The following SPEN variants were observed in gnomAD, a reference collection of about 807,000 sequenced individuals.
SPEN encodes msx2-interacting protein.
A neutral mutation model predicts 269.9 loss-of-function variants in SPEN; 18 were observed. The observed-to-expected ratio is 0.07, with a 90% CI of 0.05 to 0.10. The LOEUF (loss-of-function observed/expected upper bound fraction) is 0.10. SPEN is among the 10% of genes least tolerant of loss of function. The pLI, the probability that SPEN is intolerant of heterozygous loss-of-function variation, is 1.00. For synonymous variants in SPEN, 1,726 were observed against 1,765.7 expected, an observed-to-expected ratio of 0.98 and a Z score of 0.56; for missense variants, 3,822 against 4,631.2, an observed-to-expected ratio of 0.83 and a Z score of 5.07.
In SPEN at chr1:15,932,208, G is replaced by A. The variant is rs1369614139; in HGVS notation, c.5968G>A (p.Ala1990Thr). 3 of 1,612,838 alleles carry A rather than the reference G, an allele frequency of 1.9e-6. No homozygotes were observed. The highest frequency in any genetic ancestry group is 2.5e-6 in the Non-Finnish European group (3 of 1,179,642). ...GCGGTCGCCAAGGTCCCAGAAAACT[G>A]CAGCTGGTGGTGGACCCCAAGGGAA... ...GWRSPRSQKTAAGGGPQGKKG... is the reference protein window; with the variant it reads ...GWRSPRSQKTTAGGGPQGKKG... Residue 1990 changes from alanine (A) to threonine (T), a missense_variant, in exon 11 of 15, where the codon GCA (alanine) becomes ACA (threonine). Transcript: ENST00000375759. This position sits in a 1 kb window ranked among gnomAD's most constrained non-coding sequence, Gnocchi z 4.2.
chr1:15,919,404 C>T lies in SPEN; in HGVS notation c.1522C>T (p.Leu508=). Residue 508 remains leucine (L), a splice_region_variant and synonymous_variant, in exon 8 of 15, where the codon CTG becomes TTG. Transcript: ENST00000375759. The part of the protein sequence containing the change: ...GEYLGNNRLK[L]GFGKSMPTNC... ...TAGAAATTTTGCCTTTTATATTCAG[C>T]TGGGTTTTGGAAAGAGCATGCCTAC... 1.9e-6 allele frequency: 3 copies of T among 1,583,772 alleles called. No individual in the cohort carries two copies. The highest frequency in any genetic ancestry group is 2.6e-6 in the Non-Finnish European group (3 of 1,170,826).
At chr1:15,906,211 ATTTAC>A (rs2148726559) in intron 3 of SPEN, among the ~76,000 whole-genome samples, 1 of 152,262 alleles carries the variant, frequency 6.6e-6, no homozygotes, top group South Asian at 2.1e-4. Context: ...TCAGGATAGT[ATTTAC>A]TTAATACTTG....
At chr1:15,911,707 T>C (rs2071013437) in intron 5 of SPEN, among the ~76,000 whole-genome samples, 1 of 152,244 alleles carries the variant, frequency 6.6e-6, no homozygotes, top group Admixed American at 6.5e-5. Context: ...ATGCCTGTAA[T>C]CCCAGCACTT....
chr1:15,919,561 T>G, intron 8 of SPEN, 44 bp downstream of exon 8: 1 of 1,223,364 alleles, frequency 8.2e-7, no homozygotes, highest in Non-Finnish European at 1.2e-6. Context: ...TCTGACTCAC[T>G]CGTCTTGGTA....
At position 15,939,575 on chromosome 1, in the gene SPEN, C is replaced by T. The variant is rs565753478; in HGVS notation, c.*148C>T. ...CCGTTTGCTGTCCTGCCGCCCGGCT[C>T]AGTCGGCCAGACTTCCTCTAGGAGT... is the stretch of plus-strand genomic sequence containing the variant. On this transcript the variant is annotated 3_prime_UTR_variant, in exon 15 of 15. Coordinates refer to ENST00000375759, the MANE Select transcript of SPEN (RefSeq NM_015001.3). The surrounding 1 kb of genome is among the most constrained non-coding windows in gnomAD (Gnocchi z 4.1). The T allele has an allele frequency of 4.1e-6, 4 of 970,910 alleles. No individual in the cohort carries two copies. In the East Asian group the frequency reaches 1.2e-4, roughly 28 times the overall value. 60.1% of individuals were successfully genotyped at this position (970,910 alleles called of 1,614,324 possible). A position where few individuals can be genotyped will look rare whatever the true frequency, so the allele number is the denominator to read the frequency against.
chr1:15,847,999 GCGCTGA>G lies in SPEN; in HGVS notation c.-66_-61del. ...CCGCCGCCCCGGCACCCGCCTCCCG[GCGCTGA>G]CGGTCTCGTACGAAGCCGGCGAGGG... On this transcript the variant is annotated 5_prime_UTR_variant, in exon 1 of 15. An upstream open reading frame in the 5' UTR loses its in-frame stop. Transcript: ENST00000375759. The G allele has an allele frequency of 9.2e-7, 1 of 1,090,714 alleles. No individual in the cohort carries two copies. Among genetic ancestry groups the G allele is most frequent in the Non-Finnish European group, 1.2e-6 (1 of 835,026 alleles). The allele number at this position is 1,090,714 out of a possible 1,614,324, so 67.6% of individuals were successfully genotyped here.
rs1303901918 is a variant in SPEN, at chr1:15,889,169, T to C, written c.881+12491T>C. Among the ~76,000 whole-genome samples the C allele has an allele frequency of 8.0e-5, 12 of 150,006 alleles. No individual in the cohort carries two copies. In the East Asian group the frequency reaches 1.4e-3, roughly 17 times the overall value. On this transcript the variant is annotated intron_variant, in intron 3 of 14. Coordinates refer to ENST00000375759, the MANE Select transcript of SPEN (RefSeq NM_015001.3). ...TTCTTTCTTTCTTTTCTTTTCTTTTTTTTTTTTTTTTGAGACGGGGTTTTT... is the reference window on the plus strand; with the variant it reads ...TTCTTTCTTTCTTTTCTTTTCTTTTCTTTTTTTTTTTGAGACGGGGTTTTT...
intron 1 of SPEN, among the ~76,000 whole-genome samples, chr1:15,855,043 A>C (rs916657718): frequency 2.2e-4 from 34 of 152,192 alleles, no homozygotes; most frequent in African/African-American, 8.2e-4. Flanking sequence ...TATAGAAATG[A>C]AATGAACTCT....
intron 1 of SPEN, among the ~76,000 whole-genome samples, chr1:15,852,242 GA>G (rs1262321578): frequency 1.3e-5 from 2 of 152,022 alleles, no homozygotes; most frequent in African/African-American, 4.8e-5. Flanking sequence ...TTTGAGACCA[GA>G]AGGTTTCTAT....
At chr1:15,895,348 C>T (rs2070831715) in intron 3 of SPEN, among the ~76,000 whole-genome samples, 1 of 152,188 alleles carries the variant, frequency 6.6e-6, no homozygotes, top group South Asian at 2.1e-4. Context: ...CCTCTGCTGA[C>T]TACTGTTCTG....
intron 5 of SPEN, among the ~76,000 whole-genome samples, chr1:15,911,511 C>G (rs2071011771): frequency 6.6e-6 from 1 of 152,182 alleles, no homozygotes. Flanking sequence ...ATAGATTTTT[C>G]TGTTGCTGTA....
chr1:15,869,671 C>G (rs993296205), intron 1 of SPEN, among the ~76,000 whole-genome samples: 2 of 151,712 alleles, frequency 1.3e-5, no homozygotes, highest in African/African-American at 4.8e-5. Flanking sequence ...GGCCATGACT[C>G]ACTCATGGCC....
intron 1 of SPEN, among the ~76,000 whole-genome samples, chr1:15,870,066 A>G (rs1171407666): frequency 6.6e-6 from 1 of 151,894 alleles, no homozygotes; most frequent in East Asian, 1.9e-4. Context: ...ACGGGGTTTC[A>G]CCATGTTGGT....
intron 3 of SPEN, among the ~76,000 whole-genome samples, chr1:15,891,114 G>T (rs1459079721): frequency 6.6e-6 from 1 of 152,204 alleles, no homozygotes; most frequent in African/African-American, 2.4e-5. Context: ...AAATATATGT[G>T]TGTGGGTTTT....
chr1:15,863,759 T>C (rs2070470129), intron 1 of SPEN, among the ~76,000 whole-genome samples: 1 of 152,064 alleles, frequency 6.6e-6, no homozygotes, highest in Non-Finnish European at 1.5e-5. Context: ...GAGGATTGCT[T>C]GAGCCTGGGA....
chr1:15,883,430 CT>C (rs1051862941), intron 3 of SPEN, among the ~76,000 whole-genome samples: 1 of 151,068 alleles, frequency 6.6e-6, no homozygotes, highest in African/African-American at 2.4e-5. Context: ...TACTTTTTTT[CT>C]TTTTTTTTGA....
At chr1:15,851,673 T>C (rs1377519520) in intron 1 of SPEN, among the ~76,000 whole-genome samples, 1 of 152,148 alleles carries the variant, frequency 6.6e-6, no homozygotes, top group Admixed American at 6.5e-5. Context: ...TAAACTGAGG[T>C]AGCCCCTCGT....
chr1:15,923,106 G>C (rs116675528), intron 10 of SPEN, among the ~76,000 whole-genome samples: 23 of 152,098 alleles, frequency 1.5e-4, no homozygotes, highest in African/African-American at 5.5e-4. Flanking sequence ...ACTTCCAAAA[G>C]AATATCAAGA....
At chr1:15,906,984 G>GA (rs1295446603) in intron 3 of SPEN, among the ~76,000 whole-genome samples, 3 of 151,606 alleles carry the variant, frequency 2.0e-5, no homozygotes, top group Non-Finnish European at 2.9e-5. Context: ...TTGCTATGTT[G>GA]ACCAGGCTGG....
Sources: allele counts gnomAD v4.1 joint callset (sites outside exome capture counted in the v4.1 genomes callset), GRCh38; gene constraint gnomAD v4.1.1; non-coding constraint Gnocchi (gnomAD v3.1); transcripts MANE v1.5; gene names NCBI Gene and HGNC (gene_info 2026-07-23, HGNC 2026-07-21).